Variants in CEP85L observed in about 807,000 individuals in gnomAD.
CEP85L encodes the protein centrosomal protein 85L.
In CEP85L, 60 loss-of-function variants were observed where a neutral mutation model predicts 100.3. The observed-to-expected ratio is 0.60, with a 90% CI of 0.49 to 0.74. CEP85L has a LOEUF of 0.74. Ranked by LOEUF, CEP85L falls within the 30% of genes least tolerant of loss-of-function variation. The pLI, the probability that CEP85L is intolerant of heterozygous loss-of-function variation, is 0.00. For missense variants in CEP85L, 973 were observed against 936.2 expected (o/e 1.04, Z -0.51); for synonymous variants, 319 against 322.7 (o/e 0.99, Z 0.12).
intron 1 of CEP85L, among the ~76,000 whole-genome samples, chr6:118,665,918 G>A (rs1461048904): frequency 6.6e-6 from 1 of 152,082 alleles, no homozygotes; most frequent in Non-Finnish European, 1.5e-5. Context: ...CCTGGTGTTT[G>A]TGTTCCCTTT....
chr6:118,668,405 A>G (rs988523580), intron 1 of CEP85L, among the ~76,000 whole-genome samples: 7 of 152,256 alleles, frequency 4.6e-5, no homozygotes, highest in African/African-American at 1.4e-4. Flanking sequence ...TCAAATGGAT[A>G]GAGATGCTCT....
chr6:118,632,808 G>A (rs1774249186), intron 1 of CEP85L, among the ~76,000 whole-genome samples, 197 bp from the exon 2 acceptor site: 1 of 152,122 alleles, frequency 6.6e-6, no homozygotes, highest in African/African-American at 2.4e-5. Context: ...TGATTACATA[G>A]CTTCCTCTAG....
In CEP85L at chr6:118,470,599, T is replaced by C; in HGVS notation, c.1960A>G (p.Met654Val). The C allele has an allele frequency of 1.2e-6, 2 of 1,608,186 alleles. No individual in the cohort carries two copies. Among genetic ancestry groups the C allele is most frequent in the Non-Finnish European group, 1.7e-6 (2 of 1,177,156 alleles). ...TCTTTCTTTTCCAGCTCTTCCATCA[T>C]CTTTTGAGTGGTCAGTTTCTCTTTA... is the stretch of plus-strand genomic sequence containing the variant. ...LSKEKLTTQK[M>V]MEELEKKERN... Residue 654 changes from methionine (M) to valine (V), a missense_variant, in exon 11 of 13, where the codon ATG becomes GTG. Coordinates refer to ENST00000368491, the MANE Select transcript of CEP85L (RefSeq NM_001042475.3).
Position 118,696,175 on chromosome 6 carries a change from G to A in CEP85L, c.-28+13861C>T, listed in dbSNP as rs190723081. ...AATTCCAGCTACTCGGGAGGCTGAG[G>A]CAGGAGAATTGCTTAAACCCAGGAG... On this transcript the variant is annotated intron_variant, in intron 1 of 13. Coordinates refer to the CEP85L transcript ENST00000368488. 8.5e-4 allele frequency among the ~76,000 whole-genome samples: 129 copies of A among 152,182 alleles called. 1 individual carries two copies. The highest frequency in any genetic ancestry group is 6.8e-3 in the Middle Eastern group (2 of 294).
At chr6:118,587,118 C>T (rs1393353414) in intron 2 of CEP85L, among the ~76,000 whole-genome samples, 3 of 152,162 alleles carry the variant, frequency 2.0e-5, no homozygotes, top group African/African-American at 4.8e-5. Context: ...CTAAGTGGTT[C>T]GCTCAGTTCA....
At chr6:118,509,818 T>C (rs9320655) in intron 5 of CEP85L, among the ~76,000 whole-genome samples, 25,155 of 152,040 alleles carry the variant, frequency 0.17, 2,233 homozygotes, top group Non-Finnish European at 0.19. Context: ...ATAAAGTTTA[T>C]ATAAAAATAA....
At chr6:118,645,525 C>G (rs1171805891) in intron 1 of CEP85L, among the ~76,000 whole-genome samples, 2 of 152,112 alleles carry the variant, frequency 1.3e-5, no homozygotes, top group Non-Finnish European at 2.9e-5. Flanking sequence ...CAAAAATTAG[C>G]CAGCAGTCAG....
intron 2 of CEP85L, among the ~76,000 whole-genome samples, chr6:118,631,381 T>C (rs981223387): frequency 2.0e-5 from 3 of 152,188 alleles, no homozygotes; most frequent in Admixed American, 6.5e-5. Context: ...CTGATGGAAA[T>C]GGTACAGTCA....
intron 2 of CEP85L, among the ~76,000 whole-genome samples, chr6:118,618,460 T>C (rs185944341): frequency 6.6e-6 from 1 of 152,186 alleles, no homozygotes; most frequent in Admixed American, 6.5e-5. Flanking sequence ...GACAGATCTG[T>C]AATTTTCATG....
At chr6:118,657,387 G>T (rs1000567756), upstream of CEP85L, among the ~76,000 whole-genome samples, 1 of 152,204 alleles carries the variant, frequency 6.6e-6, no homozygotes, top group South Asian at 2.1e-4. Flanking sequence ...GGAGGCTGAG[G>T]CTGGCAGAAC....
intron 3 of CEP85L, among the ~76,000 whole-genome samples, chr6:118,564,505 T>A (rs1779391049): frequency 6.6e-6 from 1 of 152,234 alleles, no homozygotes; most frequent in African/African-American, 2.4e-5. Flanking sequence ...ATCAAAATTA[T>A]AAGAACTGTA....
chr6:118,489,397 G>C (rs1774403986), intron 6 of CEP85L, among the ~76,000 whole-genome samples: 1 of 152,006 alleles, frequency 6.6e-6, no homozygotes, highest in Non-Finnish European at 1.5e-5. Context: ...TTGAAATAAA[G>C]GGATGCTAAA....
chr6:118,500,843 T>C (rs1016255222), intron 5 of CEP85L, among the ~76,000 whole-genome samples: 14 of 152,142 alleles, frequency 9.2e-5, no homozygotes, highest in African/African-American at 3.4e-4. Context: ...TGAAGGGACA[T>C]CTGTTCTACT....
At chr6:118,577,840 A>C (rs952982731) in intron 2 of CEP85L, among the ~76,000 whole-genome samples, 3 of 152,178 alleles carry the variant, frequency 2.0e-5, no homozygotes, top group African/African-American at 7.2e-5. Flanking sequence ...AGGGACTCAT[A>C]ACCTTTACTC....
chr6:118,649,094 A>G (rs1415815162), intron 1 of CEP85L, among the ~76,000 whole-genome samples: 1 of 152,176 alleles, frequency 6.6e-6, no homozygotes, highest in African/African-American at 2.4e-5. Context: ...TTGCACAAGA[A>G]GCAACACAAG....
At chr6:118,487,723 G>C (rs1023793548) in intron 6 of CEP85L, among the ~76,000 whole-genome samples, 1 of 152,182 alleles carries the variant, frequency 6.6e-6, no homozygotes, top group African/African-American at 2.4e-5. Context: ...ACACTAATAG[G>C]ACCATGACAC....
At position 118,689,847 on chromosome 6, in the gene CEP85L, C is replaced by CCCCTT. The variant is rs1327683195; in HGVS notation, c.-28+20184_-28+20188dup. On this transcript the variant is annotated intron_variant, in intron 1 of 13. Coordinates refer to the CEP85L transcript ENST00000368488. ...TGCTTATAAGAGGACATTATCTTCC[C>CCCCTT]CCCTTCAGTGGAGTCAGTTATTTGC... Among the ~76,000 whole-genome samples, 92 of 152,028 alleles carry CCCCTT rather than the reference C, an allele frequency of 6.1e-4. 1 individual carries two copies. The highest frequency in any genetic ancestry group is 7.8e-4 in the Non-Finnish European group (53 of 67,996).
chr6:118,559,560 A>G (rs1035910495), intron 3 of CEP85L: 3 of 188,024 alleles, frequency 1.6e-5, no homozygotes, highest in Admixed American at 5.5e-5. Context: ...ATTATTCAAA[A>G]TAGTCCACTG....
chr6:118,555,147 C>G (rs1778776640), intron 3 of CEP85L, among the ~76,000 whole-genome samples: 1 of 152,136 alleles, frequency 6.6e-6, no homozygotes, highest in Non-Finnish European at 1.5e-5. Flanking sequence ...AAGGTGACTA[C>G]TCGGCCAGGT....
Sources: allele counts gnomAD v4.1 joint callset (sites outside exome capture counted in the v4.1 genomes callset), GRCh38; gene constraint gnomAD v4.1.1; transcripts MANE v1.5; gene names NCBI Gene and HGNC (gene_info 2026-07-23, HGNC 2026-07-21).